Variants in MARCHF1 observed in about 807,000 individuals in gnomAD.
MARCHF1 encodes the protein E3 ubiquitin-protein ligase MARCHF1.
MARCHF1 carries 40 observed loss-of-function variants against 54.2 expected under a neutral mutation model. The ratio of observed to expected loss-of-function variants is 0.74; its 90% CI spans 0.57 to 0.96. MARCHF1 has a LOEUF of 0.96. Among genes scored for constraint, MARCHF1 ranks in the 40% least tolerant of loss-of-function variants. The pLI is 0.00. For missense variants in MARCHF1, 586 were observed against 656.5 expected, an observed-to-expected ratio of 0.89 and a Z score of 1.17; for synonymous variants, 236 against 236.3, an observed-to-expected ratio of 1.00 and a Z score of 0.01.
In MARCHF1 at chr4:164,372,831, A is replaced by G. The variant is rs911215406; in HGVS notation, c.-323+11039T>C. 6.6e-5 allele frequency among the ~76,000 whole-genome samples: 10 copies of G among 152,254 alleles called. No homozygotes were observed. The East Asian group carries it at 1.9e-3, about 29-fold the overall frequency. On this transcript the variant is annotated intron_variant, in intron 1 of 9. Transcript: ENST00000514618. Reference sequence around the variant, plus strand: ...AAGGAAAAATAAAACACTCACTACAAAATGATACCAGTCATAAATATTATT... The same window carrying G: ...AAGGAAAAATAAAACACTCACTACAGAATGATACCAGTCATAAATATTATT...
intron 2 of MARCHF1, among the ~76,000 whole-genome samples, chr4:164,005,482 T>TGTCC (rs1410157791): frequency 2.6e-5 from 4 of 152,040 alleles, no homozygotes; most frequent in Non-Finnish European, 5.9e-5. Flanking sequence ...ACATTCACAA[T>TGTCC]GTCCCTCCCT....
intron 1 of MARCHF1, among the ~76,000 whole-genome samples, chr4:164,268,064 C>T (rs1733653773): frequency 6.6e-6 from 1 of 152,130 alleles, no homozygotes; most frequent in African/African-American, 2.4e-5. Flanking sequence ...AGGTCATGAG[C>T]TTCTAACACA....
intron 5 of MARCHF1, 77 bp downstream of exon 5, chr4:163,700,736 G>C (rs1467522575): frequency 9.1e-7 from 1 of 1,098,480 alleles, no homozygotes; most frequent in South Asian, 1.3e-5. Flanking sequence ...AACAATTATA[G>C]GTTAAACATT....
intron 1 of MARCHF1, among the ~76,000 whole-genome samples, chr4:164,306,328 A>C (rs1734694223): frequency 6.6e-6 from 1 of 152,150 alleles, no homozygotes; most frequent in South Asian, 2.1e-4. Context: ...ATATAATTCT[A>C]TGAAATCTTC....
chr4:163,604,196 C>T (rs140433529), intron 7 of MARCHF1, among the ~76,000 whole-genome samples: 2 of 152,242 alleles, frequency 1.3e-5, no homozygotes, highest in Non-Finnish European at 2.9e-5. Context: ...CAAGATCTCT[C>T]TGAACTCTAG....
intron 3 of MARCHF1, among the ~76,000 whole-genome samples, chr4:163,954,665 A>T (rs916671128): frequency 6.6e-6 from 1 of 152,176 alleles, no homozygotes; most frequent in Admixed American, 6.5e-5. Context: ...CTAATAGACA[A>T]AGTTTAAATT....
intron 2 of MARCHF1, among the ~76,000 whole-genome samples, chr4:164,085,477 G>T (rs910750206): frequency 3.3e-5 from 5 of 151,658 alleles, no homozygotes; most frequent in African/African-American, 1.2e-4. Context: ...AAAAATTAAG[G>T]TTCTGAATAC....
chr4:164,111,336 G>T (rs901259261), intron 2 of MARCHF1, among the ~76,000 whole-genome samples: 1 of 151,662 alleles, frequency 6.6e-6, no homozygotes, highest in Non-Finnish European at 1.5e-5. Context: ...CAAATAATAA[G>T]ATTCTTATCA....
chr4:164,093,230 G>A (rs1358632608), intron 2 of MARCHF1, among the ~76,000 whole-genome samples: 1 of 152,054 alleles, frequency 6.6e-6, no homozygotes, highest in Non-Finnish European at 1.5e-5. Flanking sequence ...AATTACAGTA[G>A]ACCCAATTGG....
intron 1 of MARCHF1, among the ~76,000 whole-genome samples, chr4:164,362,628 C>A (rs111977089): frequency 2.2e-4 from 34 of 152,218 alleles, no homozygotes; most frequent in African/African-American, 7.5e-4. Context: ...ATGGTGCACA[C>A]TTTTGTTACT....
intron 1 of MARCHF1, among the ~76,000 whole-genome samples, chr4:164,242,310 G>A (rs1365205741): frequency 3.4e-5 from 5 of 145,508 alleles, no homozygotes; most frequent in Non-Finnish European, 7.5e-5. Context: ...CCTCAAGTGG[G>A]TCCCTGACCC....
At chr4:163,825,164 T>G (rs934213059) in intron 4 of MARCHF1, among the ~76,000 whole-genome samples, 2 of 151,980 alleles carry the variant, frequency 1.3e-5, no homozygotes, top group African/African-American at 2.4e-5. Context: ...TGTCCATATG[T>G]GATACACTTA....
intron 8 of MARCHF1, among the ~76,000 whole-genome samples, chr4:163,554,721 G>A (rs1579058125): frequency 2.0e-5 from 3 of 152,194 alleles, no homozygotes; most frequent in East Asian, 1.9e-4. Flanking sequence ...TAGTAAACAG[G>A]GAAGTAAACC....
At chr4:163,793,802 G>A (rs1270701681) in intron 4 of MARCHF1, among the ~76,000 whole-genome samples, 1 of 152,050 alleles carries the variant, frequency 6.6e-6, no homozygotes, top group Admixed American at 6.6e-5. Flanking sequence ...CCCCAGTCAC[G>A]TACCCCCTGC....
chr4:163,824,705 C>G (rs568825783), intron 4 of MARCHF1, among the ~76,000 whole-genome samples: 2 of 84,914 alleles, frequency 2.4e-5, no homozygotes, highest in African/African-American at 3.6e-5. Flanking sequence ...GAACAGGCAA[C>G]CTACAAAATG....
At chr4:163,617,250 A>G (rs1348862113) in intron 5 of MARCHF1, among the ~76,000 whole-genome samples, 1 of 152,184 alleles carries the variant, frequency 6.6e-6, no homozygotes, top group African/African-American at 2.4e-5. Context: ...TGGCAAGGAT[A>G]GGGAAAAGTT....
chr4:164,108,048 C>G (rs2111174939), intron 2 of MARCHF1, among the ~76,000 whole-genome samples: 1 of 152,042 alleles, frequency 6.6e-6, no homozygotes, highest in East Asian at 1.9e-4. Context: ...TTGATTTGTC[C>G]TACCTTTTTT....
intron 3 of MARCHF1, among the ~76,000 whole-genome samples, chr4:163,985,597 ATGAT>A (rs1752847353): frequency 6.6e-6 from 1 of 152,198 alleles, no homozygotes. Flanking sequence ...TATTTTAACT[ATGAT>A]TGACAGTTTT....
At chr4:163,593,398 T>A (rs114213115) in intron 7 of MARCHF1, among the ~76,000 whole-genome samples, 1,645 of 152,308 alleles carry the variant, frequency 0.011, 23 homozygotes, top group African/African-American at 0.037. Context: ...TAATAAAAAC[T>A]CATTTGGCTT....
Sources: allele counts gnomAD v4.1 joint callset (sites outside exome capture counted in the v4.1 genomes callset), GRCh38; gene constraint gnomAD v4.1.1; transcripts MANE v1.5; gene names NCBI Gene and HGNC (gene_info 2026-07-23, HGNC 2026-07-21).